DGCR8: variants seen among roughly 807,000 people sequenced by gnomAD.
The protein encoded by DGCR8 is DGCR8 microprocessor complex subunit.
A neutral mutation model predicts 78.5 loss-of-function variants in DGCR8; 14 were observed. The observed-to-expected ratio is 0.18, with a 90% CI of 0.12 to 0.28. DGCR8 has a LOEUF of 0.28. DGCR8 is among the 10% of genes least tolerant of loss of function. The pLI is 1.00. For synonymous variants in DGCR8, 399 were observed against 402.4 expected (o/e 0.99, Z 0.10); for missense variants, 702 against 1,022.5 (o/e 0.69, Z 4.28).
Position 20,111,706 on chromosome 22 carries a change from G to GCGGGGGGCCCCCCC in DGCR8, c.*1599_*1600insGGGGGGCCCCCCCC. ...TGCCATACTCTTGTGGTCTCTGTGC[G>GCGGGGGGCCCCCCC]CCCCCCCCCCCCCCCCACCCGTCTG... On this transcript the variant is annotated 3_prime_UTR_variant, in exon 14 of 14. Coordinates refer to ENST00000351989, the MANE Select transcript of DGCR8 (RefSeq NM_022720.7). 1.6e-5 allele frequency: 1 copy of GCGGGGGGCCCCCCC among 63,040 alleles called. No individual in the cohort carries two copies. Among genetic ancestry groups the GCGGGGGGCCCCCCC allele is most frequent in the East Asian group, 2.0e-4 (1 of 4,964 alleles). 3.9% of individuals were successfully genotyped at this position (63,040 alleles called of 1,614,324 possible).
At position 20,087,050 on chromosome 22, in the gene DGCR8, G is replaced by T; in HGVS notation, c.721-112G>T. ...TCATGCACCCTAAGGGCACATCTAG[G>T]CCCCCTGAGAGCACCTCCTTTCTGT... On this transcript the variant is annotated intron_variant, in intron 2 of 13. Coordinates refer to ENST00000351989, the MANE Select transcript of DGCR8 (RefSeq NM_022720.7). This position sits in a 1 kb window ranked among gnomAD's most constrained non-coding sequence, Gnocchi z 4.1. The T allele has an allele frequency of 7.2e-7, 1 of 1,385,666 alleles. No individual in the cohort carries two copies. The allele number at this position is 1,385,666 out of a possible 1,614,324, so 85.8% of individuals were successfully genotyped here.
intron 6 of DGCR8, 102 bp downstream of exon 6, chr22:20,091,734 T>G (rs1235321043): frequency 6.5e-7 from 1 of 1,529,064 alleles, no homozygotes; most frequent in East Asian, 2.3e-5. Context: ...GTTCAAAGTT[T>G]ATGTTTATCC....
intron 3 of DGCR8, among the ~76,000 whole-genome samples, chr22:20,089,000 G>A (rs2049522155): frequency 6.6e-6 from 1 of 152,146 alleles, no homozygotes; most frequent in Non-Finnish European, 1.5e-5. Context: ...GCCTAGGCTG[G>A]TCTTTCTAAG....
chr22:20,094,675 G>A, intron 8 of DGCR8, 38 bp from the exon 9 acceptor site: 1 of 1,580,368 alleles, frequency 6.3e-7, no homozygotes, highest in Non-Finnish European at 8.7e-7. Flanking sequence ...GAAGAGGGCA[G>A]TGCCCAAGCC....
rs1056387097 is a variant in DGCR8 at position 20,111,759 on chromosome 22, A to G, written c.*1651A>G. The stretch of plus-strand genomic sequence containing the variant: ...AAGCATGGGTATGAATCGTGCACAC[A>G]GCCATGCTTCAAGGCCGGGGCAGGG... On this transcript the variant is annotated 3_prime_UTR_variant, in exon 14 of 14. Coordinates refer to ENST00000351989, the MANE Select transcript of DGCR8 (RefSeq NM_022720.7). 3 of 223,080 alleles carry G rather than the reference A, an allele frequency of 1.3e-5. No homozygotes were observed. Among genetic ancestry groups the G allele is most frequent in the African/African-American group, 8.2e-5 (3 of 36,428 alleles). 13.8% of individuals were successfully genotyped at this position (223,080 alleles called of 1,614,324 possible).
At chr22:20,088,152 G>T (rs1004445743) in intron 3 of DGCR8, among the ~76,000 whole-genome samples, 4 of 152,172 alleles carry the variant, frequency 2.6e-5, no homozygotes, top group African/African-American at 7.2e-5. Context: ...CCATTGAGGG[G>T]ACAAGTTAGC....
chr22:20,097,509 G>A (rs1441365835), intron 9 of DGCR8, among the ~76,000 whole-genome samples: 3 of 152,038 alleles, frequency 2.0e-5, no homozygotes, highest in Non-Finnish European at 2.9e-5. Flanking sequence ...TTTCTATATG[G>A]TTGTGATGGT....
chr22:20,108,643 C>T (rs2049797844), intron 12 of DGCR8: 2 of 368,198 alleles, frequency 5.4e-6, no homozygotes, highest in Non-Finnish European at 5.2e-6. Context: ...ATATAAGTGG[C>T]GTGGTGTGGG....
rs752912224 is a variant in DGCR8 at position 20,108,887 on chromosome 22, C to T, written c.2125-3C>T. 2.0e-6 allele frequency: 3 copies of T among 1,535,572 alleles called. No individual in the cohort carries two copies. The highest frequency in any genetic ancestry group is 1.4e-5 in the African/African-American group (1 of 73,446). On this transcript the variant is annotated splice_region_variant and splice_polypyrimidine_tract_variant and intron_variant, in intron 12 of 13. Coordinates refer to ENST00000351989, the MANE Select transcript of DGCR8 (RefSeq NM_022720.7). ...CCTGAGCGTGAGGTGCTATACTTCC[C>T]AGGAGACATCGGACAAGAGTGTGAT...
At chr22:20,080,433 G>C in intron 1 of DGCR8, 50 bp downstream of exon 1, 1 of 979,012 alleles carries the variant, frequency 1.0e-6, no homozygotes. Context: ...CGGGCGCCGC[G>C]GCCTGCGCGA....
At chr22:20,091,820 A>G in intron 6 of DGCR8, 49 bp from the exon 7 acceptor site, 1 of 1,569,738 alleles carries the variant, frequency 6.4e-7, no homozygotes, top group Admixed American at 1.7e-5. Context: ...GCTGTGTGCT[A>G]GCTTGTGGCA....
At chr22:20,108,791 G>GCGCCTACCTTGCCAGAGCCTGGGCA (rs57382195) in intron 12 of DGCR8, 99 bp from the exon 13 acceptor site, 2 of 705,216 alleles carry the variant, frequency 2.8e-6, no homozygotes, top group East Asian at 5.3e-5. Flanking sequence ...GACCCTGGGC[G>GCGCCTACCTTGCCAGAGCCTGGGCA]CGCCTGCCTT....
chr22:20,098,016 A>G (rs1457982975), intron 9 of DGCR8, among the ~76,000 whole-genome samples: 3 of 150,528 alleles, frequency 2.0e-5, no homozygotes, highest in African/African-American at 7.3e-5. Context: ...AATTGCAGCT[A>G]CCCGGGAGGC....
intron 8 of DGCR8, among the ~76,000 whole-genome samples, chr22:20,094,381 A>C (rs539223865): frequency 3.9e-4 from 60 of 152,336 alleles, no homozygotes; most frequent in African/African-American, 1.4e-3. Flanking sequence ...GCCTCCCTGC[A>C]TGGTCCAGGG....
At position 20,089,706 on chromosome 22, in the gene DGCR8, G is replaced by T. The variant is rs1195267333; in HGVS notation, c.918G>T (p.Gly306=). The change falls in exon 4 of 14, where the codon GGG becomes GGT. Residue 306 remains glycine, a synonymous_variant. Coordinates refer to ENST00000351989, the MANE Select transcript of DGCR8 (RefSeq NM_022720.7). The surrounding 1 kb of genome is among the most constrained non-coding windows in gnomAD (Gnocchi z 4.9). ...CACCTACAGAGCCGCTGCCCGACGG[G>T]TGGATCATGACATTCCATAACTCTG... The part of the protein sequence containing the change: ...GRPPTEPLPD[G]WIMTFHNSGV... 7.4e-6 allele frequency: 12 copies of T among 1,613,940 alleles called. No individual in the cohort carries two copies. The highest frequency in any genetic ancestry group is 1.3e-5 in the African/African-American group (1 of 74,952).
intron 9 of DGCR8, among the ~76,000 whole-genome samples, chr22:20,105,510 C>T (rs1320897565): frequency 6.6e-6 from 1 of 152,244 alleles, no homozygotes; most frequent in East Asian, 1.9e-4. Flanking sequence ...GCACAGTGGG[C>T]AATGTCTCTG....
intron 1 of DGCR8, among the ~76,000 whole-genome samples, chr22:20,084,609 T>C (rs1189456521): frequency 6.6e-6 from 1 of 152,216 alleles, no homozygotes; most frequent in African/African-American, 2.4e-5. Context: ...TCCAGAGTTG[T>C]GGCCTCGGCA....
rs1351540676 is a variant in DGCR8 at position 20,110,162 on chromosome 22, C to G, written c.*54C>G. The G allele has an allele frequency of 6.4e-7, 1 of 1,553,138 alleles. No individual in the cohort carries two copies. Among genetic ancestry groups the G allele is most frequent in the Non-Finnish European group, 8.8e-7 (1 of 1,138,504 alleles). On this transcript the variant is annotated 3_prime_UTR_variant, in exon 14 of 14. Transcript: ENST00000351989. ...GCCGCCAGCCGCACTTCTGAGGAGA[C>G]CAGCAGTCATGCATCGTGCACCACA...
At position 20,087,040 on chromosome 22, in the gene DGCR8, G is replaced by A; in HGVS notation, c.721-122G>A. On this transcript the variant is annotated intron_variant, in intron 2 of 13. Transcript: ENST00000351989. The surrounding 1 kb of genome is among the most constrained non-coding windows in gnomAD (Gnocchi z 4.1). ...TTTCAGATGATCATGCACCCTAAGG[G>A]CACATCTAGGCCCCCTGAGAGCACC... 7.8e-7 allele frequency: 1 copy of A among 1,286,028 alleles called. No homozygotes were observed. Among genetic ancestry groups the A allele is most frequent in the Non-Finnish European group, 1.1e-6 (1 of 931,730 alleles). The allele number at this position is 1,286,028 out of a possible 1,614,324, so 79.7% of individuals were successfully genotyped here.
Sources: allele counts gnomAD v4.1 joint callset (sites outside exome capture counted in the v4.1 genomes callset), GRCh38; gene constraint gnomAD v4.1.1; non-coding constraint Gnocchi (gnomAD v3.1); transcripts MANE v1.5; gene names NCBI Gene and HGNC (gene_info 2026-07-23, HGNC 2026-07-21).